The following TTC33 variants were observed in gnomAD, a reference collection of about 807,000 sequenced individuals.
TTC33 encodes tetratricopeptide repeat protein 33.
TTC33 carries 24 observed loss-of-function variants against 29.4 expected under a neutral mutation model. The ratio of observed to expected loss-of-function variants is 0.82; its 90% CI spans 0.59 to 1.15. TTC33 has a LOEUF of 1.15. Among genes scored for constraint, TTC33 ranks in the 50% most tolerant of loss-of-function variants. The pLI is 0.00. For missense variants in TTC33, 286 were observed against 310.4 expected (o/e 0.92, Z 0.59); for synonymous variants, 107 against 100.3 (o/e 1.07, Z -0.40).
rs1209169562 is a variant in TTC33, at chr5:40,716,495, T to C, written c.439A>G (p.Ile147Val). ...QLGLGEIILA[I>V]RSFQVALHIY... is the part of the protein sequence containing the mutation. The stretch of plus-strand genomic sequence containing the variant: ...TGAAGGGCTACTTGAAAACTTCGAA[T>C]TGCCTAGAAAATAAGGTCAGAGTTT... Residue 147 changes from isoleucine to valine, a missense_variant, in exon 5 of 5, where the codon ATT becomes GTT. Ile to Val is a conservative substitution (Grantham distance 29). Coordinates refer to ENST00000337702, the MANE Select transcript of TTC33 (RefSeq NM_012382.3). 3 of 1,582,046 alleles carry C rather than the reference T, an allele frequency of 1.9e-6. No homozygotes were observed. In the African/African-American group the frequency reaches 4.1e-5, roughly 22 times the overall value.
chr5:40,744,993 A>G (rs2111929712), intron 2 of TTC33, among the ~76,000 whole-genome samples: 1 of 152,342 alleles, frequency 6.6e-6, no homozygotes, highest in Admixed American at 6.5e-5. Context: ...CTCTACACCT[A>G]ACTTTCAGTT....
At chr5:40,743,929 C>T (rs759032424) in intron 2 of TTC33, among the ~76,000 whole-genome samples, 2 of 152,264 alleles carry the variant, frequency 1.3e-5, no homozygotes, top group African/African-American at 2.4e-5. Flanking sequence ...CTCAATGTTT[C>T]GACATACAGG....
rs3840324 is a variant in TTC33 at position 40,755,532 on chromosome 5, AG to A, written c.-2+291del. ...TCCCGCCCGTCCCACCGCTCAGGGA[AG>A]GTTGCGGCCGCGCAGCTCCGCGAAG... On this transcript the variant is annotated intron_variant, in intron 1 of 4. Transcript: ENST00000337702. Among the ~76,000 whole-genome samples the A allele has an allele frequency of 1.2e-3, 177 of 152,278 alleles. 3 individuals carry two copies. In the East Asian group the frequency reaches 0.033, roughly 29 times the overall value.
intron 1 of TTC33, among the ~76,000 whole-genome samples, chr5:40,749,545 G>A (rs1254828324): frequency 6.6e-6 from 1 of 152,170 alleles, no homozygotes; most frequent in African/African-American, 2.4e-5. Context: ...GAGTATGGGA[G>A]GGAGAGAAAT....
In TTC33 at chr5:40,728,352, A is replaced by T. The variant is rs199996714; in HGVS notation, c.428T>A (p.Ile143Lys). Residue 143 changes from isoleucine (I) to lysine (K), a missense_variant, in exon 4 of 5, where the codon ATA becomes AAA. Physicochemically the swap from Ile to Lys is moderately radical, Grantham distance 102. Coordinates refer to ENST00000337702, the MANE Select transcript of TTC33 (RefSeq NM_012382.3). ...LGRAQLGLGE[I>K]ILAIRSFQVA... ...ATAATCTGACTTCCTCACCAGGATT[A>T]TCTCTCCTAAACCAAGTTGAGCACG... The T allele has an allele frequency of 4.4e-6, 7 of 1,594,218 alleles. No homozygotes were observed. Among genetic ancestry groups the T allele is most frequent in the Non-Finnish European group, 6.0e-6 (7 of 1,173,106 alleles).
chr5:40,718,332 G>A (rs1005839031), intron 4 of TTC33, among the ~76,000 whole-genome samples: 24 of 151,732 alleles, frequency 1.6e-4, no homozygotes, highest in Non-Finnish European at 7.4e-5. Context: ...TTTGAACCCC[G>A]GAGGCAGAGG....
chr5:40,735,625 C>A (rs1012247927), intron 2 of TTC33, among the ~76,000 whole-genome samples: 1 of 152,064 alleles, frequency 6.6e-6, no homozygotes, highest in Non-Finnish European at 1.5e-5. Flanking sequence ...GTTAAGCTGG[C>A]AACAGCTCCA....
chr5:40,749,815 T>C, intron 1 of TTC33, among the ~76,000 whole-genome samples: 1 of 152,148 alleles, frequency 6.6e-6, no homozygotes, highest in Admixed American at 6.5e-5. Context: ...CCTTGCTAGG[T>C]GCAGTGGCTC....
chr5:40,717,186 G>A (rs968749907), intron 4 of TTC33, among the ~76,000 whole-genome samples: 4 of 134,664 alleles, frequency 3.0e-5, no homozygotes, highest in African/African-American at 8.5e-5. Flanking sequence ...TTGAGATCAC[G>A]CCATTGCACT....
Position 40,712,070 on chromosome 5 carries a change from T to C in TTC33, c.*4075A>G, listed in dbSNP as rs1168048449. Among the ~76,000 whole-genome samples the C allele has an allele frequency of 2.6e-5, 4 of 152,228 alleles. No individual in the cohort carries two copies. The highest frequency in any genetic ancestry group is 4.2e-4 in the South Asian group (2 of 4,818). On this transcript the variant is annotated 3_prime_UTR_variant, in exon 5 of 5. Transcript: ENST00000337702. The stretch of plus-strand genomic sequence containing the variant: ...ATACTTGCATTTTATTATTTCTAAG[T>C]TATACTCATTTAAGAAAGTTAATAG...
chr5:40,755,098 A>G (rs1031533806), intron 1 of TTC33, among the ~76,000 whole-genome samples: 2 of 152,224 alleles, frequency 1.3e-5, no homozygotes, highest in African/African-American at 4.8e-5. Flanking sequence ...CAGGAATGGC[A>G]TAACGATTCT....
In TTC33 at chr5:40,716,215, A is replaced by AACTGCTTCTG. The variant is rs779284095; in HGVS notation, c.718_719insCAGAAGCAGT (p.Ile240ThrfsTer9). The AACTGCTTCTG allele has an allele frequency of 3.1e-6, 5 of 1,614,184 alleles. No homozygotes were observed. The highest frequency in any genetic ancestry group is 4.2e-6 in the Non-Finnish European group (5 of 1,180,030). On this transcript the variant is annotated frameshift_variant, in exon 5 of 5. Transcript: ENST00000337702. LOFTEE classifies it high-confidence loss of function. ...ATCCTCCTTTTCAGTTACAGTCTCT[A>AACTGCTTCTG]TGGCCCCAGAAGCAGACACAATAAC...
In TTC33 at chr5:40,713,573, T is replaced by C. The variant is rs929212673; in HGVS notation, c.*2572A>G. ...GTTTATGTAGTGTCTGTTAATATAT[T>C]TAAGATAAATACTCTATAACCAAAC... On this transcript the variant is annotated 3_prime_UTR_variant, in exon 5 of 5. Coordinates refer to ENST00000337702, the MANE Select transcript of TTC33 (RefSeq NM_012382.3). Among the ~76,000 whole-genome samples the C allele has an allele frequency of 4.6e-5, 7 of 152,114 alleles. No individual in the cohort carries two copies. The highest frequency in any genetic ancestry group is 1.0e-4 in the Non-Finnish European group (7 of 67,994).
intron 1 of TTC33, among the ~76,000 whole-genome samples, chr5:40,750,750 T>TA (rs1466157498): frequency 6.6e-6 from 1 of 152,190 alleles, no homozygotes; most frequent in African/African-American, 2.4e-5. Context: ...TAATGTACTC[T>TA]AAGTCCTTTG....
rs115203033 is a variant in TTC33 at position 40,751,165 on chromosome 5, G to A, written c.-1-4146C>T. 7.8e-3 allele frequency among the ~76,000 whole-genome samples: 1,184 copies of A among 152,300 alleles called. 12 individuals are homozygous for A. The highest frequency in any genetic ancestry group is 0.026 in the African/African-American group (1,071 of 41,552). On this transcript the variant is annotated intron_variant, in intron 1 of 4. Transcript: ENST00000337702. ...AGAATCACTATCTATGGCAGCTATA[G>A]CCTTACAAAATGTATTTCTTCAATA...
chr5:40,739,602 T>C (rs1017124374), intron 2 of TTC33, among the ~76,000 whole-genome samples: 9 of 152,288 alleles, frequency 5.9e-5, no homozygotes, highest in Admixed American at 5.9e-4. Context: ...GCTCCAGCCA[T>C]GTGAAGTGCT....
intron 1 of TTC33, among the ~76,000 whole-genome samples, chr5:40,753,016 T>C (rs1250628787): frequency 2.6e-5 from 4 of 151,932 alleles, no homozygotes; most frequent in Admixed American, 6.6e-5. Context: ...AAATTGTGAG[T>C]CGTATGTCTG....
At chr5:40,720,173 T>C (rs948388543) in intron 4 of TTC33, among the ~76,000 whole-genome samples, 1 of 152,248 alleles carries the variant, frequency 6.6e-6, no homozygotes, top group Non-Finnish European at 1.5e-5. Flanking sequence ...AGTTTTATAA[T>C]ACTTTTAGTT....
intron 2 of TTC33, among the ~76,000 whole-genome samples, chr5:40,733,075 T>C (rs937207084): frequency 6.6e-6 from 1 of 152,172 alleles, no homozygotes; most frequent in African/African-American, 2.4e-5. Context: ...ACAAAAGTGG[T>C]AAAAATGTAA....
Sources: allele counts gnomAD v4.1 joint callset (sites outside exome capture counted in the v4.1 genomes callset), GRCh38; gene constraint gnomAD v4.1.1; transcripts MANE v1.5; gene names NCBI Gene and HGNC (gene_info 2026-07-23, HGNC 2026-07-21).